Variants in DNAAF9 observed in about 807,000 individuals in gnomAD.
DNAAF9 encodes shulin.
Under a neutral mutation model 167.0 loss-of-function variants are expected in DNAAF9, and 90 were observed. The ratio of observed to expected loss-of-function variants is 0.54; its 90% CI spans 0.45 to 0.64. The LOEUF (loss-of-function observed/expected upper bound fraction) is 0.64, where lower values mean the gene tolerates loss of function less well. Ranked by LOEUF, DNAAF9 falls within the 30% of genes least tolerant of loss-of-function variation. DNAAF9 has a pLI of 0.00. For missense variants in DNAAF9, 1,315 were observed against 1,442.2 expected (o/e 0.91, Z 1.43); for synonymous variants, 491 against 508.8 (o/e 0.96, Z 0.47).
rs2083572333 is a variant in DNAAF9, at chr20:3,376,174, T to C, written c.408+4A>G. On this transcript the variant is annotated splice_donor_region_variant and intron_variant, in intron 4 of 36. Coordinates refer to ENST00000252032, the MANE Select transcript of DNAAF9 (RefSeq NM_001009984.3). ...TAGGTGCCTGTCTTCTCTTTTCTTCTTACCTCATTTTCGGTCATGCAGTGG... is the reference window on the plus strand; with the variant it reads ...TAGGTGCCTGTCTTCTCTTTTCTTCCTACCTCATTTTCGGTCATGCAGTGG... 1 of 1,612,084 alleles carries C rather than the reference T, an allele frequency of 6.2e-7. No individual in the cohort carries two copies. The highest frequency in any genetic ancestry group is 2.2e-5 in the East Asian group (1 of 44,858).
intron 20 of DNAAF9, among the ~76,000 whole-genome samples, chr20:3,308,494 C>T (rs750546626): frequency 2.3e-4 from 35 of 151,592 alleles, no homozygotes; most frequent in Non-Finnish European, 4.3e-4. Context: ...AGGCATGCGC[C>T]ACCACGGTCC....
intron 1 of DNAAF9, among the ~76,000 whole-genome samples, chr20:3,405,390 T>G (rs1226949489): frequency 6.6e-6 from 1 of 152,122 alleles, no homozygotes; most frequent in South Asian, 2.1e-4. Flanking sequence ...AAGCCATATA[T>G]GGGTGACAGG....
At chr20:3,295,813 C>A in intron 23 of DNAAF9, 2 of 884,570 alleles carry the variant, frequency 2.3e-6, no homozygotes, top group South Asian at 2.6e-5. Context: ...AGTGGATCAT[C>A]AAAATTCAAA....
rs866864225 is a variant in DNAAF9 at position 3,270,442 on chromosome 20, T to C, written c.2771A>G (p.Asn924Ser). ...TATAGATTACCTGGTGACAATCCCA[T>C]TTTCTGCAAGAATGAAGGCTGCAGC... ...NPAAAFILAENGIVTRNEDIE... is the reference protein window; with the variant it reads ...NPAAAFILAESGIVTRNEDIE... Residue 924 changes from asparagine (N) to serine (S), a missense_variant, in exon 30 of 37, where the codon AAT becomes AGT. By Grantham distance (46) the Asn-to-Ser change is conservative. Around this residue, in one of 2 missense-constraint regions of DNAAF9, gnomAD observed 334 missense variants for 429.7 expected, o/e 0.78. Coordinates refer to ENST00000252032, the MANE Select transcript of DNAAF9 (RefSeq NM_001009984.3). 6.8e-6 allele frequency: 11 copies of C among 1,613,940 alleles called. 1 individual carries two copies. The South Asian group carries it at 1.2e-4, about 18-fold the overall frequency.
chr20:3,293,221 A>T (rs1302419441), intron 25 of DNAAF9, among the ~76,000 whole-genome samples: 1 of 121,520 alleles, frequency 8.2e-6, no homozygotes, highest in Non-Finnish European at 1.6e-5. Context: ...TGAACCTGGG[A>T]GGTGGATGTT....
chr20:3,259,973 C>T lies in DNAAF9; in HGVS notation c.2929G>A (p.Val977Ile), dbSNP rs182286470. 424 of 1,613,022 alleles carry T rather than the reference C, an allele frequency of 2.6e-4. 1 individual carries two copies. The highest frequency in any genetic ancestry group is 3.2e-4 in the Non-Finnish European group (375 of 1,179,056). Residue 977 changes from valine to isoleucine, a missense_variant, in exon 32 of 37, where the codon GTA becomes ATA. Physicochemically the swap from Val to Ile is conservative, Grantham distance 29. Around this residue, in one of 2 missense-constraint regions of DNAAF9, gnomAD observed 334 missense variants for 429.7 expected, o/e 0.78. Transcript: ENST00000252032. ...SVYPLMVQIC[V>I]WFGRPLEKTR... ...TTCTCCAAGGGACGGCCAAACCATA[C>T]GCAGATCTGAACCATTAGGGGATAG... is the stretch of plus-strand genomic sequence containing the variant.
rs1340185748 is a variant in DNAAF9 at position 3,315,347 on chromosome 20, C to T, written c.1591-227G>A. Among the ~76,000 whole-genome samples the T allele has an allele frequency of 1.3e-5, 2 of 152,172 alleles. No homozygotes were observed. Among genetic ancestry groups the T allele is most frequent in the African/African-American group, 4.8e-5 (2 of 41,418 alleles). On this transcript the variant is annotated intron_variant, in intron 19 of 36. Transcript: ENST00000252032. This position sits in a 1 kb window ranked among gnomAD's most constrained non-coding sequence, Gnocchi z 4.1. ...AAGAACATTAAGATTCTCTCTGAGTCCAGGCATCAAAGCCCGCAATGCTTG... is the reference window on the plus strand; with the variant it reads ...AAGAACATTAAGATTCTCTCTGAGTTCAGGCATCAAAGCCCGCAATGCTTG...
intron 1 of DNAAF9, among the ~76,000 whole-genome samples, chr20:3,383,143 T>C (rs1484688140): frequency 6.6e-6 from 1 of 152,122 alleles, no homozygotes; most frequent in Non-Finnish European, 1.5e-5. Context: ...ATTCTCTCCA[T>C]GCCCATCCCC....
chr20:3,279,046 T>C (rs1600695831), intron 28 of DNAAF9, 97 bp from the exon 29 acceptor site: 2 of 861,740 alleles, frequency 2.3e-6, no homozygotes, highest in Non-Finnish European at 3.9e-6. Context: ...GACAAGCAAA[T>C]TGACTCACAT....
intron 13 of DNAAF9, 22 bp from the exon 14 acceptor site, chr20:3,324,990 A>T (rs779038200): frequency 7.1e-7 from 1 of 1,410,928 alleles, no homozygotes; most frequent in Non-Finnish European, 1.0e-6. Context: ...TAAGACAGCG[A>T]CAATTAGCTT....
At chr20:3,263,663 A>G (rs542379813) in intron 31 of DNAAF9, among the ~76,000 whole-genome samples, 2 of 152,312 alleles carry the variant, frequency 1.3e-5, no homozygotes, top group Non-Finnish European at 2.9e-5. Flanking sequence ...ACACAAACAA[A>G]GCTCTCACAA....
intron 8 of DNAAF9, 97 bp from the exon 9 acceptor site, chr20:3,343,828 G>T: frequency 1.1e-6 from 1 of 876,032 alleles, no homozygotes. Flanking sequence ...CATGCTTCAG[G>T]AGAGTGCACA....
At chr20:3,295,565 T>C (rs1743719558) in intron 23 of DNAAF9, 2 of 358,692 alleles carry the variant, frequency 5.6e-6, no homozygotes, top group Middle Eastern at 9.8e-4. Flanking sequence ...GTCACGAAGA[T>C]GGTCTTCTTC....
intron 6 of DNAAF9, among the ~76,000 whole-genome samples, chr20:3,372,696 C>T (rs550791109): frequency 6.6e-6 from 1 of 152,260 alleles, no homozygotes; most frequent in South Asian, 2.1e-4. Context: ...GAAACCAGAC[C>T]ATCTGGACCT....
At chr20:3,322,772 G>A in intron 14 of DNAAF9, 76 bp from the exon 15 acceptor site, 2 of 1,065,832 alleles carry the variant, frequency 1.9e-6, no homozygotes, top group Non-Finnish European at 2.9e-6. Flanking sequence ...GTACCTGCTT[G>A]GGATTCTCAA....
chr20:3,347,676 T>G (rs1169554795), intron 8 of DNAAF9, among the ~76,000 whole-genome samples: 1 of 152,088 alleles, frequency 6.6e-6, no homozygotes, highest in Non-Finnish European at 1.5e-5. Flanking sequence ...GCCTGTAATC[T>G]CAGCACTTTG....
intron 7 of DNAAF9, among the ~76,000 whole-genome samples, chr20:3,353,889 C>A (rs780673989): frequency 6.6e-6 from 1 of 151,966 alleles, no homozygotes; most frequent in Non-Finnish European, 1.5e-5. Flanking sequence ...AAAAAACCAC[C>A]CCTGAGGGAG....
intron 6 of DNAAF9, among the ~76,000 whole-genome samples, chr20:3,366,750 C>A (rs1356445794): frequency 6.6e-6 from 1 of 151,728 alleles, no homozygotes; most frequent in Non-Finnish European, 1.5e-5. Context: ...CACGGTGAGA[C>A]CCCATTTCTA....
At chr20:3,294,470 G>A in intron 24 of DNAAF9, 58 bp downstream of exon 24, 1 of 1,219,766 alleles carries the variant, frequency 8.2e-7, no homozygotes, top group Non-Finnish European at 1.2e-6. Flanking sequence ...CAACACTGAG[G>A]TTTCCGACAT....
Sources: allele counts gnomAD v4.1 joint callset (sites outside exome capture counted in the v4.1 genomes callset), GRCh38; gene constraint gnomAD v4.1.1; regional missense constraint gnomAD v4.1.1; non-coding constraint Gnocchi (gnomAD v3.1); transcripts MANE v1.5; gene names NCBI Gene and HGNC (gene_info 2026-07-23, HGNC 2026-07-21).